The following NUBPL variants were observed in gnomAD, a reference collection of about 807,000 sequenced individuals.
The protein encoded by NUBPL is NUBP iron-sulfur cluster assembly factor, mitochondrial.
In NUBPL, 31 loss-of-function variants were observed where a neutral mutation model predicts 45.7. The ratio of observed to expected loss-of-function variants is 0.68; its 90% CI spans 0.51 to 0.92. NUBPL has a LOEUF of 0.92. Among genes scored for constraint, NUBPL ranks in the 40% least tolerant of loss-of-function variants. The pLI, the probability that NUBPL is intolerant of heterozygous loss-of-function variation, is 0.00. For synonymous variants in NUBPL, 144 were observed against 140.9 expected, an observed-to-expected ratio of 1.02 and a Z score of -0.15; for missense variants, 401 against 398.7, an observed-to-expected ratio of 1.01 and a Z score of -0.05.
intron 7 of NUBPL, among the ~76,000 whole-genome samples, chr14:31,814,026 T>G (rs1380628626): frequency 6.6e-6 from 1 of 152,212 alleles, no homozygotes; most frequent in Non-Finnish European, 1.5e-5. Context: ...GTAGAATGAT[T>G]TATAATCCTT....
At chr14:31,608,118 T>C (rs956763717) in intron 4 of NUBPL, among the ~76,000 whole-genome samples, 3 of 152,184 alleles carry the variant, frequency 2.0e-5, no homozygotes, top group African/African-American at 7.2e-5. Context: ...AAAACACTTT[T>C]ACCCTAAAAT....
At chr14:31,835,427 A>C (rs140608286) in intron 8 of NUBPL, among the ~76,000 whole-genome samples, 141 of 152,260 alleles carry the variant, frequency 9.3e-4, no homozygotes, top group African/African-American at 3.1e-3. Context: ...TTAGCTTCAG[A>C]GTTTCCTTCC....
At chr14:31,683,528 T>A (rs779319355) in intron 6 of NUBPL, among the ~76,000 whole-genome samples, 2 of 151,926 alleles carry the variant, frequency 1.3e-5, no homozygotes, top group Non-Finnish European at 2.9e-5. Flanking sequence ...AATTTTTGTA[T>A]TTTTAGTAGA....
chr14:31,722,111 C>A (rs1365236846), intron 6 of NUBPL, among the ~76,000 whole-genome samples: 2 of 152,150 alleles, frequency 1.3e-5, no homozygotes, highest in Non-Finnish European at 2.9e-5. Flanking sequence ...ATTCTTCTGC[C>A]TCAGCCTCCC....
chr14:31,657,976 C>T (rs935696149), intron 4 of NUBPL, among the ~76,000 whole-genome samples: 10 of 152,120 alleles, frequency 6.6e-5, no homozygotes, highest in African/African-American at 2.4e-4. Flanking sequence ...CCCCTATAAA[C>T]AGAAAGATTG....
At chr14:31,728,887 A>G (rs76153146) in intron 6 of NUBPL, among the ~76,000 whole-genome samples, 9,671 of 152,304 alleles carry the variant, frequency 0.063, 419 homozygotes, top group Non-Finnish European at 0.091. Context: ...GATTATTTAT[A>G]TAGAAGGTTA....
At chr14:31,791,875 G>T (rs533262834) in intron 7 of NUBPL, among the ~76,000 whole-genome samples, 1 of 152,176 alleles carries the variant, frequency 6.6e-6, no homozygotes, top group South Asian at 2.1e-4. Flanking sequence ...ATTCTTTATG[G>T]ACAGTAGATT....
At chr14:31,621,410 G>A (rs1371097508) in intron 4 of NUBPL, among the ~76,000 whole-genome samples, 2 of 152,186 alleles carry the variant, frequency 1.3e-5, no homozygotes, top group Admixed American at 1.3e-4. Context: ...GGGCCCTGGT[G>A]GCATACATAG....
At chr14:31,705,384 C>A (rs947120905) in intron 6 of NUBPL, among the ~76,000 whole-genome samples, 2 of 152,206 alleles carry the variant, frequency 1.3e-5, no homozygotes, top group Non-Finnish European at 2.9e-5. Flanking sequence ...GGGTGGCCTG[C>A]TTTTAATCCC....
chr14:31,850,275 G>T, intron 10 of NUBPL, 74 bp downstream of exon 10: 1 of 1,185,788 alleles, frequency 8.4e-7, no homozygotes, highest in Non-Finnish European at 1.3e-6. Context: ...AAGTTGGGAA[G>T]ATTAAGCGTT....
chr14:31,722,221 A>G (rs2037826399), intron 6 of NUBPL, among the ~76,000 whole-genome samples: 1 of 152,070 alleles, frequency 6.6e-6, no homozygotes. Flanking sequence ...TGTGTTTGCC[A>G]GGATGGTCTC....
chr14:31,701,557 C>T (rs1008917695), intron 6 of NUBPL, among the ~76,000 whole-genome samples: 4 of 152,348 alleles, frequency 2.6e-5, no homozygotes, highest in Admixed American at 2.0e-4. Context: ...TCCGCGCCGC[C>T]TTTATGAGCT....
At chr14:31,636,902 T>A (rs988630380) in intron 4 of NUBPL, among the ~76,000 whole-genome samples, 1 of 152,214 alleles carries the variant, frequency 6.6e-6, no homozygotes, top group African/African-American at 2.4e-5. Flanking sequence ...TATTCTCTGA[T>A]GGTAGTTTGT....
At position 31,605,525 on chromosome 14, in the gene NUBPL, T is replaced by C. The variant is rs554211766; in HGVS notation, c.382+6146T>C. Among the ~76,000 whole-genome samples the C allele has an allele frequency of 5.9e-5, 9 of 152,334 alleles. No individual in the cohort carries two copies. In the South Asian group the frequency reaches 1.9e-3, roughly 32 times the overall value. On this transcript the variant is annotated intron_variant, in intron 4 of 10. Transcript: ENST00000281081. ...TGTCTTTTCTATTGTGGGATAGTAA[T>C]TTTGCACTCATGGCACAGTTTTCTG...
chr14:31,845,534 G>C (rs1347988258), intron 8 of NUBPL: 2 of 152,334 alleles, frequency 1.3e-5, no homozygotes, highest in Non-Finnish European at 2.9e-5. Flanking sequence ...GGTGGTGCAC[G>C]CCTGTAATCC....
At chr14:31,842,034 C>T (rs564451619) in intron 8 of NUBPL, among the ~76,000 whole-genome samples, 100 of 146,712 alleles carry the variant, frequency 6.8e-4, no homozygotes, top group Middle Eastern at 3.6e-3. Context: ...AGGTTCACGC[C>T]ATTCTCCTGC....
chr14:31,588,454 T>A (rs958208189), intron 3 of NUBPL, among the ~76,000 whole-genome samples: 1 of 152,080 alleles, frequency 6.6e-6, no homozygotes, highest in African/African-American at 2.4e-5. Context: ...TATTGTATTT[T>A]AAAAAGTAGA....
At chr14:31,672,273 A>ATGTG (rs3035682) in intron 4 of NUBPL, among the ~76,000 whole-genome samples, 5,270 of 148,158 alleles carry the variant, frequency 0.036, 141 homozygotes, top group African/African-American at 0.074. Flanking sequence ...CTGATTAGAT[A>ATGTG]TGTGTGTGTG....
intron 9 of NUBPL, 64 bp from the exon 10 acceptor site, chr14:31,850,055 G>A (rs2040513542): frequency 8.5e-7 from 1 of 1,181,184 alleles, no homozygotes; most frequent in Admixed American, 1.7e-5. Context: ...AGTTCAAATA[G>A]TGAGATTCAA....
Sources: gnomAD v4.1 joint callset for allele counts (sites outside exome capture counted in the v4.1 genomes callset) on GRCh38, gnomAD v4.1.1 for gene constraint, MANE v1.5 for transcripts, NCBI Gene and HGNC (gene_info 2026-07-23, HGNC 2026-07-21) for gene names.